PPARGC1A: variants seen among roughly 807,000 people sequenced by gnomAD.
PPARGC1A encodes the protein PPARG coactivator 1 alpha, also known as peroxisome proliferator-activated receptor gamma coactivator 1-alpha.
A neutral mutation model predicts 88.7 loss-of-function variants in PPARGC1A; 25 were observed. The ratio of observed to expected loss-of-function variants is 0.28; its 90% CI spans 0.21 to 0.39. The LOEUF is 0.39. Among genes scored for constraint, PPARGC1A ranks in the 10% least tolerant of loss-of-function variants. The pLI is 1.00. For synonymous variants in PPARGC1A, 363 were observed against 355.6 expected (o/e 1.02, Z -0.24); for missense variants, 880 against 968.7 (o/e 0.91, Z 1.22).
In PPARGC1A at chr4:23,814,204, T is replaced by C. The variant is rs1432550495; in HGVS notation, c.1279A>G (p.Thr427Ala). The change falls in exon 8 of 13, where the codon ACA becomes GCA. Residue 427 changes from threonine (T) to alanine (A), a missense_variant. Thr to Ala is a moderately conservative substitution (Grantham distance 58, BLOSUM62 0). Transcript: ENST00000264867. Reference sequence around the variant, plus strand: ...CTCAGGTAGCACTGGTCTGAATCTGTGGAAGAACAAATCTGCCCCTGCCAA... The same window carrying C: ...CTCAGGTAGCACTGGTCTGAATCTGCGGAAGAACAAATCTGCCCCTGCCAA... ...SDWQGQICSS[T>A]DSDQCYLRET... 8.1e-6 allele frequency: 13 copies of C among 1,614,026 alleles called. No individual in the cohort carries two copies. Among genetic ancestry groups the C allele is most frequent in the African/African-American group, 1.3e-5 (1 of 74,912 alleles).
the PPARGC1A span, among the ~76,000 whole-genome samples, chr4:23,947,376 T>TATAA: frequency 2.4e-4 from 6 of 25,324 alleles, no homozygotes; most frequent in Admixed American, 4.9e-4. Flanking sequence ...TATATATATA[T>TATAA]ATATATATAT....
At chr4:24,212,614 G>T in the PPARGC1A span, among the ~76,000 whole-genome samples, 14 of 152,270 alleles carry the variant, frequency 9.2e-5, no homozygotes, top group Admixed American at 8.5e-4. Context: ...TACATCAACA[G>T]TAAAAAGGCT....
At chr4:24,424,764 T>G in the PPARGC1A span, among the ~76,000 whole-genome samples, 1 of 152,190 alleles carries the variant, frequency 6.6e-6, no homozygotes, top group South Asian at 2.1e-4. Flanking sequence ...TTCAACCCTT[T>G]CAAAATTACA....
At chr4:24,141,618 C>G in the PPARGC1A span, among the ~76,000 whole-genome samples, 2 of 152,186 alleles carry the variant, frequency 1.3e-5, no homozygotes, top group Non-Finnish European at 2.9e-5. Flanking sequence ...AATGCCACAG[C>G]TATCTCACTA....
At chr4:23,939,828 G>T in the PPARGC1A span, among the ~76,000 whole-genome samples, 1 of 152,070 alleles carries the variant, frequency 6.6e-6, no homozygotes, top group African/African-American at 2.4e-5. Flanking sequence ...TGAGGCCCAA[G>T]GACATAACCA....
At chr4:24,104,663 G>A in the PPARGC1A span, among the ~76,000 whole-genome samples, 152 of 152,256 alleles carry the variant, frequency 1.0e-3, 3 homozygotes, top group East Asian at 0.026. Flanking sequence ...ACTGGAGGAA[G>A]CATGTGAATC....
At chr4:24,230,486 G>A in the PPARGC1A span, among the ~76,000 whole-genome samples, 43 of 152,210 alleles carry the variant, frequency 2.8e-4, no homozygotes, top group African/African-American at 9.4e-4. Flanking sequence ...TAAACTTTTC[G>A]CTGGTTCCTG....
At chr4:23,879,059 T>C (rs1291054445) in intron 2 of PPARGC1A, among the ~76,000 whole-genome samples, 3 of 152,252 alleles carry the variant, frequency 2.0e-5, no homozygotes, top group Admixed American at 6.5e-5. Flanking sequence ...CAAACATTTA[T>C]TGATTGCAAA....
the PPARGC1A span, among the ~76,000 whole-genome samples, chr4:24,401,681 C>T: frequency 1.1e-4 from 16 of 152,074 alleles, no homozygotes; most frequent in Non-Finnish European, 1.9e-4. Flanking sequence ...ATGGCAGAGT[C>T]GTTAAAAGCA....
the PPARGC1A span, among the ~76,000 whole-genome samples, chr4:24,250,195 G>A: frequency 5.9e-5 from 9 of 152,202 alleles, no homozygotes; most frequent in Middle Eastern, 3.2e-3. Flanking sequence ...ACCCAGGCTC[G>A]AGGAACTCTG....
chr4:24,391,817 AT>A, the PPARGC1A span, among the ~76,000 whole-genome samples: 12 of 152,242 alleles, frequency 7.9e-5, no homozygotes, highest in South Asian at 2.3e-3. Context: ...TTCCAGAATA[AT>A]TGTATTGCTG....
the PPARGC1A span, among the ~76,000 whole-genome samples, chr4:24,063,513 T>A: frequency 5.9e-5 from 9 of 152,276 alleles, no homozygotes; most frequent in African/African-American, 2.2e-4. Flanking sequence ...CAATCTCAAG[T>A]TCCTCATCTG....
the PPARGC1A span, among the ~76,000 whole-genome samples, chr4:24,457,208 C>T: frequency 3.3e-5 from 5 of 152,150 alleles, no homozygotes; most frequent in African/African-American, 9.7e-5. Context: ...AGTCACTCCC[C>T]CTGCCCTCTC....
the PPARGC1A span, among the ~76,000 whole-genome samples, chr4:24,467,708 C>T: frequency 1.3e-5 from 2 of 151,832 alleles, no homozygotes; most frequent in Admixed American, 1.3e-4. Context: ...GACAACTTAC[C>T]CACGTCCATT....
the PPARGC1A span, among the ~76,000 whole-genome samples, chr4:24,240,469 T>C: frequency 6.6e-6 from 1 of 152,220 alleles, no homozygotes; most frequent in Admixed American, 6.5e-5. Flanking sequence ...TACTGCTAAT[T>C]AGCTGGCTAG....
intron 7 of PPARGC1A, among the ~76,000 whole-genome samples, chr4:23,816,321 T>C (rs963944633): frequency 2.0e-5 from 3 of 152,154 alleles, no homozygotes; most frequent in Admixed American, 6.5e-5. Flanking sequence ...GTGACTTACA[T>C]GACTGAATGA....
intron 2 of PPARGC1A, chr4:23,866,276 A>T (rs1206075203): frequency 6.6e-6 from 1 of 152,130 alleles, no homozygotes; most frequent in South Asian, 2.1e-4. Context: ...CCCTAGAAAC[A>T]TTTCTTTCTT....
rs764736848 is a variant in PPARGC1A, at chr4:23,814,354, T to G, written c.1129A>C (p.Ser377Arg). 65 of 1,613,936 alleles carry G rather than the reference T, an allele frequency of 4.0e-5. No individual in the cohort carries two copies. Among genetic ancestry groups the G allele is most frequent in the Non-Finnish European group, 5.2e-5 (61 of 1,180,008 alleles). The part of the protein sequence containing the change: ...GHEERKTKRP[S>R]LRLFGDHDYC... Reference sequence around the variant, plus strand: ...TCATGGTCACCAAACAGCCGCAGACTGGGCCGCTTGGTCTTCCTTTCCTCG... The same window carrying G: ...TCATGGTCACCAAACAGCCGCAGACGGGGCCGCTTGGTCTTCCTTTCCTCG... Residue 377 changes from serine to arginine, a missense_variant, in exon 8 of 13, where the codon AGT becomes CGT. Coordinates refer to ENST00000264867, the MANE Select transcript of PPARGC1A (RefSeq NM_013261.5).
chr4:24,141,180 T>C, the PPARGC1A span, among the ~76,000 whole-genome samples: 9 of 152,210 alleles, frequency 5.9e-5, no homozygotes, highest in Non-Finnish European at 1.2e-4. Context: ...GGAACTTCAA[T>C]ATAACTAAGA....
Sources: allele counts gnomAD v4.1 joint callset (sites outside exome capture counted in the v4.1 genomes callset), GRCh38; gene constraint gnomAD v4.1.1; transcripts MANE v1.5; gene names NCBI Gene and HGNC (gene_info 2026-07-23, HGNC 2026-07-21).